The following TMEM132D variants were observed in gnomAD, a reference collection of about 807,000 sequenced individuals.
The protein encoded by TMEM132D is mature OL transmembrane protein.
TMEM132D carries 21 observed loss-of-function variants against 62.3 expected under a neutral mutation model. The ratio of observed to expected loss-of-function variants is 0.34; its 90% CI spans 0.24 to 0.49. TMEM132D has a LOEUF of 0.49. Ranked by LOEUF, TMEM132D falls within the 20% of genes least tolerant of loss-of-function variation. The pLI is 0.99. For missense variants in TMEM132D, 1,346 were observed against 1,402.8 expected, an observed-to-expected ratio of 0.96 and a Z score of 0.65; for synonymous variants, 621 against 575.6, an observed-to-expected ratio of 1.08 and a Z score of -1.13.
At chr12:129,676,689 G>A (rs1292392146) in intron 2 of TMEM132D, among the ~76,000 whole-genome samples, 1 of 152,162 alleles carries the variant, frequency 6.6e-6, no homozygotes, top group Non-Finnish European at 1.5e-5. Context: ...CCCCATGACT[G>A]AAACATCTCC....
chr12:129,146,802 C>A (rs1345991036), intron 5 of TMEM132D, among the ~76,000 whole-genome samples: 1 of 152,076 alleles, frequency 6.6e-6, no homozygotes, highest in Non-Finnish European at 1.5e-5. Flanking sequence ...ATTTGCTGGG[C>A]GCAACACACT....
chr12:129,707,702 G>T (rs555828653), intron 1 of TMEM132D, among the ~76,000 whole-genome samples: 46 of 152,188 alleles, frequency 3.0e-4, no homozygotes, highest in African/African-American at 1.0e-3. Flanking sequence ...GACCATGAAG[G>T]TATCTTAAGA....
chr12:129,494,326 G>T (rs1874886034), intron 3 of TMEM132D, among the ~76,000 whole-genome samples: 1 of 152,154 alleles, frequency 6.6e-6, no homozygotes, highest in Non-Finnish European at 1.5e-5. Flanking sequence ...TATGCCTAAG[G>T]TCAAGTGGCA....
intron 2 of TMEM132D, among the ~76,000 whole-genome samples, chr12:129,639,314 C>A (rs1879581780): frequency 7.2e-6 from 1 of 138,732 alleles, no homozygotes; most frequent in African/African-American, 2.7e-5. Context: ...ACCTAGGAGG[C>A]AGAGGTTGCA....
At chr12:129,275,290 T>C (rs980544856) in intron 4 of TMEM132D, among the ~76,000 whole-genome samples, 2 of 151,768 alleles carry the variant, frequency 1.3e-5, no homozygotes, top group African/African-American at 4.8e-5. Context: ...CTAAAAAATA[T>C]AAAATAAAAT....
At chr12:129,589,757 C>G (rs1382349248) in intron 2 of TMEM132D, among the ~76,000 whole-genome samples, 1 of 152,144 alleles carries the variant, frequency 6.6e-6, no homozygotes, top group African/African-American at 2.4e-5. Flanking sequence ...GGCGAGCAGA[C>G]AGAGTTATCG....
chr12:129,891,734 T>C (rs945042396), intron 1 of TMEM132D, among the ~76,000 whole-genome samples: 2 of 152,202 alleles, frequency 1.3e-5, no homozygotes, highest in African/African-American at 4.8e-5. Context: ...CCAGCAAACA[T>C]AGAAACTTTG....
intron 3 of TMEM132D, among the ~76,000 whole-genome samples, chr12:129,441,575 G>T (rs1872937836): frequency 6.6e-6 from 1 of 152,148 alleles, no homozygotes. Context: ...GAAATAGCCT[G>T]ACTTCTGCTT....
chr12:129,653,227 C>G (rs1310525163), intron 2 of TMEM132D, among the ~76,000 whole-genome samples: 1 of 152,048 alleles, frequency 6.6e-6, no homozygotes, highest in Non-Finnish European at 1.5e-5. Flanking sequence ...TTTGGGCATA[C>G]AGGGAGGAGA....
At chr12:129,173,074 A>T (rs570408022) in intron 5 of TMEM132D, among the ~76,000 whole-genome samples, 1 of 152,322 alleles carries the variant, frequency 6.6e-6, no homozygotes, top group African/African-American at 2.4e-5. Context: ...AGATCACCAT[A>T]ACAGGTATAA....
chr12:129,865,125 G>A (rs151023147), intron 1 of TMEM132D, among the ~76,000 whole-genome samples: 1 of 152,214 alleles, frequency 6.6e-6, no homozygotes, highest in South Asian at 2.1e-4. Context: ...TGCCGTAAAA[G>A]TGATGCACTG....
At chr12:129,323,618 T>C (rs1394211791) in intron 4 of TMEM132D, among the ~76,000 whole-genome samples, 4 of 152,148 alleles carry the variant, frequency 2.6e-5, no homozygotes, top group African/African-American at 9.7e-5. Context: ...AGTTCACAGG[T>C]TATAAAAAAA....
chr12:129,369,905 G>A (rs955796302), intron 3 of TMEM132D, among the ~76,000 whole-genome samples: 2 of 152,218 alleles, frequency 1.3e-5, no homozygotes, highest in African/African-American at 4.8e-5. Flanking sequence ...TGGTACCGGG[G>A]AAGGGATCTC....
At chr12:129,805,574 A>C in intron 1 of TMEM132D, among the ~76,000 whole-genome samples, 2 of 152,108 alleles carry the variant, frequency 1.3e-5, no homozygotes. Context: ...TGTTAGACCT[A>C]AAACCATAAA....
intron 3 of TMEM132D, among the ~76,000 whole-genome samples, chr12:129,514,069 G>A (rs2137076095): frequency 6.6e-6 from 1 of 150,780 alleles, no homozygotes; most frequent in African/African-American, 2.4e-5. Context: ...TCGATCCCCT[G>A]ACCTTGTGAT....
chr12:129,608,407 G>A (rs1351277370), intron 2 of TMEM132D, among the ~76,000 whole-genome samples: 1 of 152,124 alleles, frequency 6.6e-6, no homozygotes, highest in Non-Finnish European at 1.5e-5. Flanking sequence ...CTATGTAGAT[G>A]ATGAATGAAG....
chr12:129,728,680 G>T (rs1423996488), intron 1 of TMEM132D, among the ~76,000 whole-genome samples: 2 of 152,180 alleles, frequency 1.3e-5, no homozygotes, highest in Non-Finnish European at 2.9e-5. Context: ...ATCCTTCTTT[G>T]TCTTACCTTC....
chr12:129,225,868 G>GC (rs138347622), intron 4 of TMEM132D, among the ~76,000 whole-genome samples: 1 of 152,106 alleles, frequency 6.6e-6, no homozygotes, highest in South Asian at 2.1e-4. Context: ...GTGGCCCCCA[G>GC]CCCCCACAGC....
At chr12:129,127,592 T>C (rs143614347) in intron 5 of TMEM132D, among the ~76,000 whole-genome samples, 151 of 152,198 alleles carry the variant, frequency 9.9e-4, no homozygotes, top group African/African-American at 3.4e-3. Context: ...ACAGGGGCCT[T>C]TAAAAAACAC....
Sources: allele counts gnomAD v4.1 joint callset (sites outside exome capture counted in the v4.1 genomes callset), GRCh38; gene constraint gnomAD v4.1.1; transcripts MANE v1.5; gene names NCBI Gene and HGNC (gene_info 2026-07-23, HGNC 2026-07-21).